CDK5RAP3: variants seen among roughly 807,000 people sequenced by gnomAD.
CDK5RAP3 encodes CDK5 regulatory subunit associated protein 3.
In CDK5RAP3, 58 loss-of-function variants were observed where a neutral mutation model predicts 73.3. The ratio of observed to expected loss-of-function variants is 0.79; its 90% CI spans 0.64 to 0.98. The LOEUF (loss-of-function observed/expected upper bound fraction) is 0.98. Ranked by LOEUF, CDK5RAP3 falls within the 50% of genes least tolerant of loss-of-function variation. CDK5RAP3 has a pLI of 0.00. For missense variants in CDK5RAP3, 525 were observed against 615.8 expected (o/e 0.85, Z 1.56); for synonymous variants, 224 against 247.5 (o/e 0.91, Z 0.89).
chr17:47,976,700 T>C lies in CDK5RAP3; in HGVS notation c.799-12T>C. 1 of 1,579,140 alleles carries C rather than the reference T, an allele frequency of 6.3e-7. No individual in the cohort carries two copies. Among genetic ancestry groups the C allele is most frequent in the Non-Finnish European group, 8.7e-7 (1 of 1,150,062 alleles). On this transcript the variant is annotated splice_polypyrimidine_tract_variant and intron_variant, in intron 8 of 13. Coordinates refer to ENST00000338399, the MANE Select transcript of CDK5RAP3 (RefSeq NM_176096.3). Reference sequence around the variant, plus strand: ...CATCTTCCATGAGCTAACACTCTCTTTCCCTTTCCAGATTGACTGGGGCGA... The same window carrying C: ...CATCTTCCATGAGCTAACACTCTCTCTCCCTTTCCAGATTGACTGGGGCGA...
intron 11 of CDK5RAP3, 81 bp from the exon 12 acceptor site, chr17:47,980,512 C>T (rs1162171832): frequency 3.1e-6 from 4 of 1,290,316 alleles, no homozygotes; most frequent in Non-Finnish European, 4.5e-6. Flanking sequence ...AGCGATCCTC[C>T]TGCCTTGGCC....
chr17:47,976,857 C>A, intron 9 of CDK5RAP3, 35 bp downstream of exon 9: 1 of 1,327,838 alleles, frequency 7.5e-7, no homozygotes, highest in Non-Finnish European at 1.1e-6. Context: ...TCTCTCTGAT[C>A]ACTACTCTAA....
At chr17:47,973,322 G>A (rs1185485326) in intron 2 of CDK5RAP3, among the ~76,000 whole-genome samples, 197 bp from the exon 3 acceptor site, 19 of 152,194 alleles carry the variant, frequency 1.2e-4, no homozygotes, top group Non-Finnish European at 2.9e-5. Context: ...CACTGCTAAT[G>A]AAGTCAGATT....
chr17:47,975,363 C>T (rs747388090), intron 6 of CDK5RAP3, 26 bp downstream of exon 6: 124 of 1,609,724 alleles, frequency 7.7e-5, no homozygotes, highest in Non-Finnish European at 1.0e-4. Flanking sequence ...CTCTTCGCAG[C>T]CAGAGGACAC....
intron 6 of CDK5RAP3, 46 bp from the exon 7 acceptor site, chr17:47,975,468 A>G (rs1461743648): frequency 6.2e-7 from 1 of 1,609,430 alleles, no homozygotes. Context: ...CGGTCTTTGG[A>G]TGTTTTCTTC....
upstream of CDK5RAP3, among the ~76,000 whole-genome samples, chr17:47,969,938 T>C (rs2036229748): frequency 6.6e-6 from 1 of 152,182 alleles, no homozygotes; most frequent in Admixed American, 6.5e-5. Flanking sequence ...TCATCCTTAG[T>C]GTCTCTCTCC....
At chr17:47,976,311 C>T (rs989474934) in intron 8 of CDK5RAP3, 15 of 416,748 alleles carry the variant, frequency 3.6e-5, no homozygotes, top group African/African-American at 2.8e-4. Context: ...ACAGTGTGCT[C>T]TCTACAGAAG....
chr17:47,976,493 G>A (rs2036414957), intron 8 of CDK5RAP3: 6 of 448,196 alleles, frequency 1.3e-5, no homozygotes. Context: ...CAAGATAGCT[G>A]GGATTACAGG....
At chr17:47,970,514 T>C, upstream of CDK5RAP3, 2 of 707,348 alleles carry the variant, frequency 2.8e-6, no homozygotes, top group Non-Finnish European at 4.9e-6. Flanking sequence ...CCAGCTATCT[T>C]CAGCTCTTCG....
At position 47,981,224 on chromosome 17, in the gene CDK5RAP3, T is replaced by C; in HGVS notation, c.1345T>C (p.Leu449=). The C allele has an allele frequency of 6.2e-7, 1 of 1,614,174 alleles. No homozygotes were observed. The highest frequency in any genetic ancestry group is 8.5e-7 in the Non-Finnish European group (1 of 1,180,026). The part of the protein sequence containing the change: ...QKLKQSQLLA[L]KKELMVQKQQ... ...GCTGAAGCAGTCCCAGCTGCTGGCT[T>C]TGAAGAAAGAGCTGATGGTGCAGAA... is the stretch of plus-strand genomic sequence containing the variant. Residue 449 remains leucine, a synonymous_variant, in exon 13 of 14, where the codon TTG becomes CTG. Coordinates refer to ENST00000338399, the MANE Select transcript of CDK5RAP3 (RefSeq NM_176096.3).
In CDK5RAP3 at chr17:47,971,389, C is replaced by A; in HGVS notation, c.34C>A (p.Gln12Lys). The A allele has an allele frequency of 6.2e-7, 1 of 1,609,630 alleles. No homozygotes were observed. The highest frequency in any genetic ancestry group is 2.2e-5 in the East Asian group (1 of 44,748). ...EDHQHVPIDI[Q>K]TSKLLDWLVD... ...CCATCAGCACGTGCCCATCGACATCCAGACCAGCAAGCTGCTCGGTAGGAG... is the reference window on the plus strand; with the variant it reads ...CCATCAGCACGTGCCCATCGACATCAAGACCAGCAAGCTGCTCGGTAGGAG... The change falls in exon 2 of 14, where the codon CAG (glutamine) becomes AAG (lysine). Residue 12 changes from glutamine to lysine, a missense_variant. Gln to Lys is a moderately conservative substitution (Grantham distance 53). Transcript: ENST00000338399.
In CDK5RAP3 at chr17:47,981,296, G is replaced by T. The variant is rs773570692; in HGVS notation, c.1417G>T (p.Asp473Tyr). ...GCAGGCGGCTCTGGAGCCTAAGCTG[G>T]ACCTGCTACTGGAGAAGACCAAGGA... ...EEQAALEPKL[D>Y]LLLEKTKELQ... Residue 473 changes from aspartate (D) to tyrosine (Y), a missense_variant, in exon 13 of 14, where the codon GAC becomes TAC. Physicochemically the swap from Asp to Tyr is radical, Grantham distance 160. Coordinates refer to ENST00000338399, the MANE Select transcript of CDK5RAP3 (RefSeq NM_176096.3). 3 of 1,614,220 alleles carry T rather than the reference G, an allele frequency of 1.9e-6. No individual in the cohort carries two copies. The highest frequency in any genetic ancestry group is 4.5e-5 in the East Asian group (2 of 44,886).
At chr17:47,973,738 G>C in intron 3 of CDK5RAP3, 88 bp downstream of exon 3, 1 of 1,549,230 alleles carries the variant, frequency 6.5e-7, no homozygotes, top group Non-Finnish European at 8.8e-7. Flanking sequence ...TTAGCCACCA[G>C]GGCTGGCCTT....
Position 47,975,938 on chromosome 17 carries a change from G to A in CDK5RAP3, c.723G>A (p.Trp241Ter), listed in dbSNP as rs1054556333. 12 of 1,614,072 alleles carry A rather than the reference G, an allele frequency of 7.4e-6. No homozygotes were observed. Among genetic ancestry groups the A allele is most frequent in the South Asian group, 2.2e-5 (2 of 91,096 alleles). The change falls in exon 8 of 14, where the codon TGG becomes TGA. Residue 241 changes from tryptophan to a stop codon, truncating the protein, a stop_gained. Coordinates refer to ENST00000338399, the MANE Select transcript of CDK5RAP3 (RefSeq NM_176096.3). LOFTEE classifies it high-confidence loss of function. ...QKRGNSTVYE[W>*]RTGTEPSVVE... ...GGGGAAACTCAACGGTGTACGAGTG[G>A]AGGACAGGGACAGAGCCCTCTGTGG...
rs767898149 is a variant in CDK5RAP3, at chr17:47,975,927, G to A, written c.712G>A (p.Val238Met). The change falls in exon 8 of 14, where the codon GTG becomes ATG. Residue 238 changes from valine (V) to methionine (M), a missense_variant. Transcript: ENST00000338399. ...CGTGCAGAAGCGGGGAAACTCAACG[G>A]TGTACGAGTGGAGGACAGGGACAGA... ...RFVQKRGNST[V>M]YEWRTGTEPS... 3.7e-6 allele frequency: 6 copies of A among 1,614,202 alleles called. No homozygotes were observed. Among genetic ancestry groups the A allele is most frequent in the African/African-American group, 1.3e-5 (1 of 75,038 alleles).
Position 47,976,615 on chromosome 17 carries a change from C to T in CDK5RAP3, c.799-97C>T, listed in dbSNP as rs1031624160. On this transcript the variant is annotated intron_variant, in intron 8 of 13. Coordinates refer to ENST00000338399, the MANE Select transcript of CDK5RAP3 (RefSeq NM_176096.3). ...CTGGGCTCAAGCAATCCACTATCCT[C>T]GGCCTCCCAAAGTACTGGGGTTACA... is the stretch of plus-strand genomic sequence containing the variant. The T allele has an allele frequency of 1.8e-5, 15 of 820,330 alleles. No homozygotes were observed. In the Admixed American group the frequency reaches 2.3e-4, roughly 12 times the overall value. 50.8% of individuals were successfully genotyped at this position (820,330 alleles called of 1,614,324 possible).
chr17:47,976,096 C>T, intron 8 of CDK5RAP3, 83 bp downstream of exon 8: 1 of 1,504,664 alleles, frequency 6.6e-7, no homozygotes, highest in South Asian at 1.2e-5. Flanking sequence ...CAACCCAAGA[C>T]CCAGAGAGAA....
In CDK5RAP3 at chr17:47,971,342, C is replaced by T. The variant is rs1306776393; in HGVS notation, c.7-20C>T. ...CTCTCTCCGCGCTCACGCCCCCCTC[C>T]TCACCGTGTTTCCCGCCAGGACCAT... On this transcript the variant is annotated intron_variant, in intron 1 of 13. Coordinates refer to ENST00000338399, the MANE Select transcript of CDK5RAP3 (RefSeq NM_176096.3). 2 of 1,608,290 alleles carry T rather than the reference C, an allele frequency of 1.2e-6. No homozygotes were observed. Among genetic ancestry groups the T allele is most frequent in the African/African-American group, 2.7e-5 (2 of 74,858 alleles).
At position 47,973,990 on chromosome 17, in the gene CDK5RAP3, A is replaced by G. The variant is rs1381845085; in HGVS notation, c.244A>G (p.Thr82Ala). ...CCTTCTCAAAGGCACAGAGGCCTCCACGAAGAATATTTTTGGCCGATACTC... is the reference window on the plus strand; with the variant it reads ...CCTTCTCAAAGGCACAGAGGCCTCCGCGAAGAATATTTTTGGCCGATACTC... ...LDLLKGTEAS[T>A]KNIFGRYSSQ... Residue 82 changes from threonine (T) to alanine (A), a missense_variant, in exon 4 of 14, where the codon ACG (threonine) becomes GCG (alanine). Thr to Ala is a moderately conservative substitution (Grantham distance 58). Around this residue, in one of 2 missense-constraint regions of CDK5RAP3, gnomAD observed 409 missense variants for 429.8 expected, o/e 0.95. Transcript: ENST00000338399. 1.2e-6 allele frequency: 2 copies of G among 1,614,148 alleles called. No individual in the cohort carries two copies. Among genetic ancestry groups the G allele is most frequent in the South Asian group, 1.1e-5 (1 of 91,080 alleles).
Sources: gnomAD v4.1 joint callset for allele counts (sites outside exome capture counted in the v4.1 genomes callset) on GRCh38, gnomAD v4.1.1 for gene constraint, gnomAD v4.1.1 regional missense constraint, MANE v1.5 for transcripts, NCBI Gene and HGNC (gene_info 2026-07-23, HGNC 2026-07-21) for gene names.